Variants in PPM1E observed in about 807,000 individuals in gnomAD.
PPM1E encodes the protein protein phosphatase, Mg2+/Mn2+ dependent 1E, also known as protein phosphatase 1E.
A neutral mutation model predicts 65.9 loss-of-function variants in PPM1E; 20 were observed. That is an observed-to-expected ratio of 0.30 (90% CI 0.21 to 0.44). The LOEUF (loss-of-function observed/expected upper bound fraction) is 0.44. Among genes scored for constraint, PPM1E ranks in the 20% least tolerant of loss-of-function variants. The pLI is 1.00. For synonymous variants in PPM1E, 352 were observed against 374.9 expected, an observed-to-expected ratio of 0.94 and a Z score of 0.70; for missense variants, 713 against 953.1, an observed-to-expected ratio of 0.75 and a Z score of 3.32.
intron 1 of PPM1E, among the ~76,000 whole-genome samples, chr17:58,928,494 C>T (rs1034659180): frequency 1.3e-5 from 2 of 151,818 alleles, no homozygotes; most frequent in African/African-American, 4.8e-5. Context: ...AAAAGACTGA[C>T]ACCACCAAAT....
intron 2 of PPM1E, 116 bp downstream of exon 2, chr17:58,955,883 T>A: frequency 8.1e-7 from 1 of 1,240,200 alleles, no homozygotes; most frequent in Non-Finnish European, 1.1e-6. Flanking sequence ...TGGTTGTTTA[T>A]GTAGTGGTAG....
intron 1 of PPM1E, among the ~76,000 whole-genome samples, chr17:58,854,196 T>G (rs1417043611): frequency 1.3e-5 from 2 of 152,220 alleles, no homozygotes; most frequent in Non-Finnish European, 2.9e-5. Context: ...CTTAATTTCC[T>G]TGTCAGATTG....
At chr17:58,763,226 A>G (rs8074016) in intron 1 of PPM1E, among the ~76,000 whole-genome samples, 28,011 of 151,962 alleles carry the variant, frequency 0.18, 2,787 homozygotes, top group Non-Finnish European at 0.21. Context: ...GAAGTCATTA[A>G]GGAACCCAGG....
intron 6 of PPM1E, among the ~76,000 whole-genome samples, chr17:58,973,942 A>G (rs1888176938): frequency 8.3e-6 from 1 of 121,020 alleles, no homozygotes; most frequent in African/African-American, 3.2e-5. Flanking sequence ...ACAGAGCGAG[A>G]CTCCATCTCA....
intron 1 of PPM1E, among the ~76,000 whole-genome samples, chr17:58,787,919 AAAG>A (rs1278008367): frequency 6.6e-6 from 1 of 151,570 alleles, no homozygotes; most frequent in Non-Finnish European, 1.5e-5. Context: ...AAAAAAAAAA[AAAG>A]AAAAGAAAGA....
intron 1 of PPM1E, among the ~76,000 whole-genome samples, chr17:58,868,388 A>G (rs553508696): frequency 2.6e-5 from 4 of 152,264 alleles, no homozygotes; most frequent in Non-Finnish European, 4.4e-5. Flanking sequence ...ATTTTTTTTA[A>G]TTTTTAAAGA....
intron 1 of PPM1E, among the ~76,000 whole-genome samples, chr17:58,808,880 T>G (rs889051989): frequency 6.6e-6 from 1 of 152,178 alleles, no homozygotes; most frequent in African/African-American, 2.4e-5. Flanking sequence ...TTTAAGCCTT[T>G]TTAGTATGAA....
intron 1 of PPM1E, among the ~76,000 whole-genome samples, chr17:58,774,765 A>G (rs2049977074): frequency 6.6e-6 from 1 of 152,110 alleles, no homozygotes. Context: ...TTGTTGTTAG[A>G]ATACCATTTA....
At chr17:58,761,991 A>G (rs2049825595) in intron 1 of PPM1E, among the ~76,000 whole-genome samples, 1 of 152,188 alleles carries the variant, frequency 6.6e-6, no homozygotes, top group African/African-American at 2.4e-5. Context: ...GTTCTGTATG[A>G]CGACTGATTT....
intron 1 of PPM1E, chr17:58,951,057 C>T (rs191814698): frequency 1.6e-3 from 249 of 152,432 alleles, no homozygotes; most frequent in Non-Finnish European, 2.6e-3. Context: ...GGATTACAGG[C>T]GTGAGCCACC....
intron 1 of PPM1E, among the ~76,000 whole-genome samples, chr17:58,867,395 A>G (rs1448403053): frequency 6.6e-6 from 1 of 152,174 alleles, no homozygotes; most frequent in Non-Finnish European, 1.5e-5. Context: ...TCTAACCTCT[A>G]CCATTAGATT....
Position 58,756,052 on chromosome 17 carries a change from C to T in PPM1E, c.55C>T (p.Leu19=), listed in dbSNP as rs1345786915. The change falls in exon 1 of 7, where the codon CTG becomes TTG. Residue 19 remains leucine (L), a synonymous_variant. Coordinates refer to ENST00000308249, the MANE Select transcript of PPM1E (RefSeq NM_014906.5). ...TTACCGGCGCTTCCTGGAGCTATTC[C>T]TGGGCGAGTTTCGCGGACCGTGCGG... is the stretch of plus-strand genomic sequence containing the variant. ...KTYRRFLELF[L]GEFRGPCGGG... The T allele has an allele frequency of 6.2e-6, 10 of 1,613,908 alleles. No homozygotes were observed. Among genetic ancestry groups the T allele is most frequent in the Non-Finnish European group, 8.5e-6 (10 of 1,179,950 alleles).
chr17:58,918,966 T>G (rs1025209427), intron 1 of PPM1E, among the ~76,000 whole-genome samples: 2 of 152,114 alleles, frequency 1.3e-5, no homozygotes, highest in African/African-American at 4.8e-5. Context: ...GAGCTACAGT[T>G]ATGAGGTCTA....
chr17:58,828,610 A>G (rs1009206566), intron 1 of PPM1E, among the ~76,000 whole-genome samples: 5 of 152,026 alleles, frequency 3.3e-5, no homozygotes, highest in African/African-American at 1.2e-4. Flanking sequence ...GATTACAGGC[A>G]TGCACCACTA....
chr17:58,842,939 C>CA (rs370044150), intron 1 of PPM1E, among the ~76,000 whole-genome samples: 13 of 143,130 alleles, frequency 9.1e-5, no homozygotes, highest in Non-Finnish European at 1.4e-4. Context: ...ATCTCTGTCT[C>CA]AAAAAAAAAA....
chr17:58,912,469 T>G (rs531479184), intron 1 of PPM1E, among the ~76,000 whole-genome samples: 1 of 152,290 alleles, frequency 6.6e-6, no homozygotes, highest in South Asian at 2.1e-4. Flanking sequence ...CTGAAGTAAG[T>G]GCATAATTGG....
At chr17:58,814,350 CTCTGTAATAATTAACATT>C (rs2050396180) in intron 1 of PPM1E, among the ~76,000 whole-genome samples, 1 of 152,124 alleles carries the variant, frequency 6.6e-6, no homozygotes, top group Admixed American at 6.5e-5. Context: ...TTAATATTTA[CTCTGTAATAATTAACATT>C]TCTGTAATAT....
At chr17:58,808,991 C>T (rs1320287631) in intron 1 of PPM1E, among the ~76,000 whole-genome samples, 3 of 152,140 alleles carry the variant, frequency 2.0e-5, no homozygotes, top group Admixed American at 6.5e-5. Context: ...TAAAACAAGT[C>T]TCATTTCTTC....
At chr17:58,916,241 G>T (rs907342899) in intron 1 of PPM1E, among the ~76,000 whole-genome samples, 3 of 152,168 alleles carry the variant, frequency 2.0e-5, no homozygotes, top group African/African-American at 7.2e-5. Flanking sequence ...ACAGGTTGTT[G>T]TAAAGTTTAA....
Sources: gnomAD v4.1 joint callset for allele counts (sites outside exome capture counted in the v4.1 genomes callset) on GRCh38, gnomAD v4.1.1 for gene constraint, MANE v1.5 for transcripts, NCBI Gene and HGNC (gene_info 2026-07-23, HGNC 2026-07-21) for gene names.